The following KIAA2012 variants were observed in gnomAD, a reference collection of about 807,000 sequenced individuals.
The protein encoded by KIAA2012 is uncharacterized protein KIAA2012.
A neutral mutation model predicts 150.6 loss-of-function variants in KIAA2012; 125 were observed. The ratio of observed to expected loss-of-function variants is 0.83; its 90% confidence interval spans 0.72 to 0.96. The LOEUF is 0.96. Ranked by LOEUF, KIAA2012 falls within the 40% of genes least tolerant of loss-of-function variation. KIAA2012 has a pLI of 0.00. For missense variants in KIAA2012, 1,219 were observed against 1,354.9 expected (o/e 0.90, Z 1.57); for synonymous variants, 462 against 504.7 (o/e 0.92, Z 1.13).
At chr2:202,094,388 A>G (rs899758550) in intron 4 of KIAA2012, among the ~76,000 whole-genome samples, 5 of 152,244 alleles carry the variant, frequency 3.3e-5, no homozygotes, top group Non-Finnish European at 7.4e-5. Context: ...TGGTTTATCA[A>G]ATGAATGGAG....
Position 202,099,233 on chromosome 2 carries a change from T to C in KIAA2012, c.829-380T>C, listed in dbSNP as rs558684747. On this transcript the variant is annotated intron_variant, in intron 5 of 23. Transcript: ENST00000498697. ...TCAAACTCCTGAGCTCAAGCAATCC[T>C]CCTGCCTCGGCCTCCCAAAGTGCTA... is the stretch of plus-strand genomic sequence containing the variant. Among the ~76,000 whole-genome samples, 13 of 152,216 alleles carry C rather than the reference T, an allele frequency of 8.5e-5. 1 individual carries two copies. The highest frequency in any genetic ancestry group is 2.9e-4 in the African/African-American group (12 of 41,546).
chr2:202,127,373 AGTT>A (rs1483407803), intron 12 of KIAA2012, among the ~76,000 whole-genome samples: 2 of 152,244 alleles, frequency 1.3e-5, no homozygotes, highest in Non-Finnish European at 2.9e-5. Flanking sequence ...TTAATCAGAT[AGTT>A]GCTCTCTTGC....
intron 2 of KIAA2012, among the ~76,000 whole-genome samples, chr2:202,075,694 A>C (rs1164458544): frequency 6.6e-6 from 1 of 152,178 alleles, no homozygotes; most frequent in Non-Finnish European, 1.5e-5. Flanking sequence ...CATTTTTCTG[A>C]TTCATACTTC....
chr2:202,179,924 A>G (rs1233670525), intron 15 of KIAA2012: 5 of 784,396 alleles, frequency 6.4e-6, no homozygotes, highest in Non-Finnish European at 1.0e-5. Flanking sequence ...AGAAGTTGGA[A>G]TCTTCAACGA....
chr2:202,101,553 T>A (rs1190807893), intron 7 of KIAA2012, among the ~76,000 whole-genome samples: 2 of 152,220 alleles, frequency 1.3e-5, no homozygotes, highest in Non-Finnish European at 2.9e-5. Flanking sequence ...AGGAAAGCAA[T>A]ATTTTCCACC....
At chr2:202,097,601 T>A in intron 5 of KIAA2012, 24 bp downstream of exon 5, 1 of 1,532,432 alleles carries the variant, frequency 6.5e-7, no homozygotes, top group Admixed American at 2.2e-5. Context: ...TTTTTTTTTT[T>A]TTCCCCGAGA....
At chr2:202,130,955 A>C (rs1690915163) in intron 12 of KIAA2012, among the ~76,000 whole-genome samples, 1 of 152,066 alleles carries the variant, frequency 6.6e-6, no homozygotes. Flanking sequence ...AAAACAAAGA[A>C]AGAAGTATGA....
At chr2:202,106,096 C>T (rs1690183829) in intron 9 of KIAA2012, 186 bp downstream of exon 9, 4 of 1,474,794 alleles carry the variant, frequency 2.7e-6, no homozygotes, top group Non-Finnish European at 9.0e-7. Context: ...CTAAAACTAA[C>T]AGTGTCCAGC....
rs144287763 is a variant in KIAA2012, at chr2:202,188,341, G to C, written c.2491+75G>C. On this transcript the variant is annotated intron_variant, in intron 18 of 23. Coordinates refer to ENST00000498697, the MANE Select transcript of KIAA2012 (RefSeq NM_001277372.4). ...GGTCGGGAGGTGGTATGGATAATTA[G>C]CATGGATCCTACCGGACAAACTCTC... 27 of 1,168,826 alleles carry C rather than the reference G, an allele frequency of 2.3e-5. No individual in the cohort carries two copies. In the East Asian group the frequency reaches 6.1e-4, roughly 27 times the overall value. The allele number at this position is 1,168,826 out of a possible 1,614,324, so 72.4% of individuals were successfully genotyped here.
intron 14 of KIAA2012, among the ~76,000 whole-genome samples, chr2:202,163,562 T>A (rs1055773133): frequency 6.6e-6 from 1 of 152,192 alleles, no homozygotes; most frequent in Non-Finnish European, 1.5e-5. Context: ...TATCTCCCTC[T>A]CCCACTCTGT....
At chr2:202,127,271 A>G (rs1307303827) in intron 12 of KIAA2012, among the ~76,000 whole-genome samples, 1 of 152,194 alleles carries the variant, frequency 6.6e-6, no homozygotes, top group Non-Finnish European at 1.5e-5. Flanking sequence ...AATCTCACCA[A>G]TAAAAAACTA....
chr2:202,153,363 T>C (rs1691466903), intron 13 of KIAA2012, among the ~76,000 whole-genome samples: 1 of 152,114 alleles, frequency 6.6e-6, no homozygotes, highest in Non-Finnish European at 1.5e-5. Flanking sequence ...AAGCCATACT[T>C]GAAAGATGAA....
chr2:202,173,440 G>A (rs916646860), intron 15 of KIAA2012, among the ~76,000 whole-genome samples: 11 of 152,116 alleles, frequency 7.2e-5, no homozygotes, highest in African/African-American at 2.2e-4. Flanking sequence ...GTGGTGGCAC[G>A]TGCCTGTAAT....
chr2:202,179,931 A>G (rs549011501), intron 15 of KIAA2012: 12 of 797,056 alleles, frequency 1.5e-5, no homozygotes, highest in Non-Finnish European at 2.0e-5. Context: ...GGAATCTTCA[A>G]CGAAGCTGGA....
intron 13 of KIAA2012, among the ~76,000 whole-genome samples, chr2:202,146,625 C>T (rs1168852832): frequency 2.5e-5 from 3 of 120,990 alleles, no homozygotes; most frequent in African/African-American, 6.8e-5. Flanking sequence ...GAGCAAGACT[C>T]CATCTCAAAA....
chr2:202,191,146 G>A (rs1388544783), intron 19 of KIAA2012, among the ~76,000 whole-genome samples: 1 of 152,012 alleles, frequency 6.6e-6, no homozygotes, highest in Non-Finnish European at 1.5e-5. Flanking sequence ...GCACAGTGGT[G>A]CACGCCTGTA....
chr2:202,183,580 T>C (rs1325047029), intron 15 of KIAA2012, among the ~76,000 whole-genome samples: 1 of 149,424 alleles, frequency 6.7e-6, no homozygotes, highest in Non-Finnish European at 1.5e-5. Flanking sequence ...CTAAACTTAC[T>C]GCAACCTCCA....
At chr2:202,182,659 T>C (rs1236376965) in intron 15 of KIAA2012, among the ~76,000 whole-genome samples, 1 of 152,218 alleles carries the variant, frequency 6.6e-6, no homozygotes, top group Non-Finnish European at 1.5e-5. Context: ...TTTCATTTCT[T>C]TCATTTATCT....
intron 3 of KIAA2012, among the ~76,000 whole-genome samples, chr2:202,092,306 C>T (rs1005281109): frequency 1.3e-5 from 2 of 152,196 alleles, no homozygotes; most frequent in Non-Finnish European, 2.9e-5. Flanking sequence ...GCCCCTACCA[C>T]CCTCTTCCTG....
Sources: gnomAD v4.1 joint callset for allele counts (sites outside exome capture counted in the v4.1 genomes callset) on GRCh38, gnomAD v4.1.1 for gene constraint, MANE v1.5 for transcripts, NCBI Gene and HGNC (gene_info 2026-07-23, HGNC 2026-07-21) for gene names.